Variants in NLGN1 observed in about 807,000 individuals in gnomAD.
The protein encoded by NLGN1 is neuroligin-1.
Under a neutral mutation model 65.5 loss-of-function variants are expected in NLGN1, and 12 were observed. The ratio of observed to expected loss-of-function variants is 0.18; its 90% CI spans 0.12 to 0.30. The LOEUF is 0.30. Ranked by LOEUF, NLGN1 falls within the 10% of genes least tolerant of loss-of-function variation. The pLI is 1.00. For missense variants in NLGN1, 750 were observed against 1,007.1 expected, an observed-to-expected ratio of 0.74 and a Z score of 3.46; for synonymous variants, 350 against 359.5, an observed-to-expected ratio of 0.97 and a Z score of 0.30.
chr3:173,825,851 T>C (rs1446405370), intron 4 of NLGN1, among the ~76,000 whole-genome samples: 1 of 152,100 alleles, frequency 6.6e-6, no homozygotes, highest in Non-Finnish European at 1.5e-5. Flanking sequence ...AATCCTTAAC[T>C]GTGATTTTGG....
chr3:173,527,811 A>T (rs2149167621), intron 2 of NLGN1, among the ~76,000 whole-genome samples: 1 of 152,244 alleles, frequency 6.6e-6, no homozygotes, highest in East Asian at 1.9e-4. Context: ...TTGAATCTGT[A>T]GGTGTCTTTA....
intron 4 of NLGN1, among the ~76,000 whole-genome samples, chr3:174,228,348 C>G (rs898797825): frequency 6.6e-6 from 1 of 152,086 alleles, no homozygotes; most frequent in Non-Finnish European, 1.5e-5. Context: ...AAATGGCATG[C>G]AACTTCACAT....
At chr3:174,069,048 A>G (rs575171211) in intron 4 of NLGN1, among the ~76,000 whole-genome samples, 1 of 152,288 alleles carries the variant, frequency 6.6e-6, no homozygotes, top group Admixed American at 6.5e-5. Flanking sequence ...GGAGGATAAC[A>G]GAGTTTCAAA....
At chr3:174,040,217 A>G (rs908688152) in intron 4 of NLGN1, among the ~76,000 whole-genome samples, 2 of 151,908 alleles carry the variant, frequency 1.3e-5, no homozygotes, top group African/African-American at 4.8e-5. Context: ...AAAGAAGGCT[A>G]AATGCTCACC....
At chr3:173,868,500 T>G (rs1210456236) in intron 4 of NLGN1, among the ~76,000 whole-genome samples, 1 of 152,168 alleles carries the variant, frequency 6.6e-6, no homozygotes, top group Non-Finnish European at 1.5e-5. Context: ...TGACTACTAT[T>G]CATTCATTGG....
At chr3:173,404,751 G>A (rs921365305) in intron 1 of NLGN1, among the ~76,000 whole-genome samples, 2 of 151,992 alleles carry the variant, frequency 1.3e-5, no homozygotes, top group African/African-American at 4.8e-5. Context: ...ATTCATTATG[G>A]TTCATAGCAA....
chr3:174,226,301 C>G (rs965187895), intron 4 of NLGN1, among the ~76,000 whole-genome samples: 10 of 152,216 alleles, frequency 6.6e-5, no homozygotes, highest in African/African-American at 2.2e-4. Flanking sequence ...TACCCCCTTA[C>G]CCACCACCCC....
chr3:173,463,733 A>G (rs73036269), intron 2 of NLGN1, among the ~76,000 whole-genome samples: 24,600 of 152,098 alleles, frequency 0.16, 2,076 homozygotes, highest in Middle Eastern at 0.25. Context: ...AAAACACTGT[A>G]TCATGATAGA....
At chr3:173,436,111 C>G (rs933232158) in intron 2 of NLGN1, among the ~76,000 whole-genome samples, 2 of 152,134 alleles carry the variant, frequency 1.3e-5, no homozygotes, top group Non-Finnish European at 2.9e-5. Context: ...CATCAATTTA[C>G]CAAACACTGA....
chr3:174,215,874 C>G (rs757800078), intron 4 of NLGN1, among the ~76,000 whole-genome samples: 10 of 152,094 alleles, frequency 6.6e-5, no homozygotes, highest in Non-Finnish European at 1.2e-4. Context: ...CTACTGCAGC[C>G]TCCCAGTGGG....
At chr3:173,662,447 T>G (rs1318060280) in intron 3 of NLGN1, among the ~76,000 whole-genome samples, 1 of 152,066 alleles carries the variant, frequency 6.6e-6, no homozygotes, top group Non-Finnish European at 1.5e-5. Context: ...TCTGTTCATC[T>G]ATGTTTAATT....
At position 174,046,706 on chromosome 3, in the gene NLGN1, T is replaced by C. The variant is rs79858078; in HGVS notation, c.647-228609T>C. Among the ~76,000 whole-genome samples, 917 of 152,230 alleles carry C rather than the reference T, an allele frequency of 6.0e-3. 6 individuals carry two copies. The highest frequency in any genetic ancestry group is 0.051 in the Middle Eastern group (15 of 294). ...AGTTCTATCTCATAATGGGGCTTCCTAAACCATGCCTATTTATAAAATTAA... is the reference window on the plus strand; with the variant it reads ...AGTTCTATCTCATAATGGGGCTTCCCAAACCATGCCTATTTATAAAATTAA... On this transcript the variant is annotated intron_variant, in intron 4 of 6. Transcript: ENST00000457714.
At position 173,962,073 on chromosome 3, in the gene NLGN1, T is replaced by C. The variant is rs193073199; in HGVS notation, c.646+154241T>C. Among the ~76,000 whole-genome samples the C allele has an allele frequency of 2.5e-4, 38 of 152,236 alleles. 1 individual carries two copies. ...TTTTTACTTCATGGACCTTTGTTAC[T>C]GAGAAGAGAGTTAAAAAAATTAATT... On this transcript the variant is annotated intron_variant, in intron 4 of 6. Transcript: ENST00000457714.
chr3:173,919,138 C>G (rs981388785), intron 4 of NLGN1, among the ~76,000 whole-genome samples: 3 of 150,892 alleles, frequency 2.0e-5, no homozygotes, highest in Admixed American at 2.0e-4. Context: ...CTCTATATCT[C>G]AAGATCCTTA....
intron 4 of NLGN1, among the ~76,000 whole-genome samples, chr3:173,822,016 T>G (rs2150538544): frequency 6.6e-6 from 1 of 152,196 alleles, no homozygotes; most frequent in East Asian, 1.9e-4. Flanking sequence ...TCTGCCAGGT[T>G]TTATTCATTT....
chr3:173,619,840 G>C (rs1753702149), intron 3 of NLGN1, among the ~76,000 whole-genome samples: 1 of 152,140 alleles, frequency 6.6e-6, no homozygotes, highest in Non-Finnish European at 1.5e-5. Flanking sequence ...TCTCTATCTT[G>C]GATGGGAGCT....
At chr3:173,401,976 C>T (rs1332062629) in intron 1 of NLGN1, among the ~76,000 whole-genome samples, 6 of 152,094 alleles carry the variant, frequency 3.9e-5, no homozygotes, top group South Asian at 2.1e-4. Flanking sequence ...TCTCTGCAGA[C>T]GACATCCCTT....
At chr3:173,453,493 C>T (rs1721990707) in intron 2 of NLGN1, among the ~76,000 whole-genome samples, 2 of 152,092 alleles carry the variant, frequency 1.3e-5, no homozygotes, top group Non-Finnish European at 2.9e-5. Context: ...ATTTTACCCA[C>T]AGTAGAACTT....
chr3:173,437,544 G>A (rs1288217766), intron 2 of NLGN1, among the ~76,000 whole-genome samples: 1 of 152,154 alleles, frequency 6.6e-6, no homozygotes, highest in Non-Finnish European at 1.5e-5. Context: ...TCTAATCTCA[G>A]TTGTATTCTA....
Sources: allele counts gnomAD v4.1 joint callset (sites outside exome capture counted in the v4.1 genomes callset), GRCh38; gene constraint gnomAD v4.1.1; transcripts MANE v1.5; gene names NCBI Gene and HGNC (gene_info 2026-07-23, HGNC 2026-07-21).